The following NAV3 variants were observed in gnomAD, a reference collection of about 807,000 sequenced individuals.
NAV3 encodes the protein neuron navigator 3, also known as pore membrane and/or filament interacting like protein 1.
In NAV3, 87 loss-of-function variants were observed where a neutral mutation model predicts 244.7. The ratio of observed to expected loss-of-function variants is 0.36; its 90% CI spans 0.30 to 0.42. The LOEUF is 0.42. NAV3 is among the 20% of genes least tolerant of loss of function. NAV3 has a pLI of 1.00. For missense variants in NAV3, 2,663 were observed against 2,893.3 expected, an observed-to-expected ratio of 0.92 and a Z score of 1.83; for synonymous variants, 1,126 against 1,042.2, an observed-to-expected ratio of 1.08 and a Z score of -1.55.
chr12:78,109,922 A>G (rs1015496036), intron 12 of NAV3, among the ~76,000 whole-genome samples: 1 of 152,028 alleles, frequency 6.6e-6, no homozygotes, highest in African/African-American at 2.4e-5. Context: ...TCCTATCCAC[A>G]TAGTACTAGA....
chr12:78,058,972 A>G lies in NAV3; in HGVS notation c.2517-24A>G, dbSNP rs763291397. 4 of 1,569,290 alleles carry G rather than the reference A, an allele frequency of 2.5e-6. No homozygotes were observed. The Admixed American group carries it at 7.7e-5, about 30-fold the overall frequency. ...AGTTGAGTTGATTTAGTTTTCTGTG[A>G]ATTAATTAGACATTTCTTTTCAGGT... On this transcript the variant is annotated intron_variant, in intron 11 of 39. Transcript: ENST00000397909.
chr12:77,578,194 C>T (rs537681055), intron 2 of NAV3, among the ~76,000 whole-genome samples: 12 of 152,144 alleles, frequency 7.9e-5, no homozygotes, highest in African/African-American at 2.7e-4. Context: ...TTCTGAGGAC[C>T]AACAGCATCA....
At position 77,605,792 on chromosome 12, in the gene NAV3, T is replaced by C. The variant is rs540610142; in HGVS notation, c.72+33526T>C. On this transcript the variant is annotated intron_variant, in intron 2 of 8. Coordinates refer to the NAV3 transcript ENST00000550042. ...AGGCAGAGGTTGCAGTGAGCTGAGA[T>C]TGGGGCATTGCACTCCAGCCTCGGC... Among the ~76,000 whole-genome samples the C allele has an allele frequency of 1.2e-4, 18 of 151,886 alleles. 1 individual carries two copies. In the South Asian group the frequency reaches 3.7e-3, roughly 32 times the overall value.
At chr12:77,799,255 C>T (rs1028788087) in intron 2 of NAV3, among the ~76,000 whole-genome samples, 2 of 152,188 alleles carry the variant, frequency 1.3e-5, no homozygotes, top group East Asian at 3.8e-4. Context: ...GGAGAAAATA[C>T]TTATTGGGGT....
At chr12:77,803,413 T>A (rs1321102188) in intron 2 of NAV3, among the ~76,000 whole-genome samples, 1 of 152,180 alleles carries the variant, frequency 6.6e-6, no homozygotes, top group Admixed American at 6.5e-5. Context: ...TTGCTGAGAA[T>A]AATGGTTTCC....
intron 2 of NAV3, among the ~76,000 whole-genome samples, chr12:77,689,400 A>T (rs1405782479): frequency 6.6e-6 from 1 of 151,946 alleles, no homozygotes. Flanking sequence ...AACTAAAAAT[A>T]TCAGCCTCTT....
At chr12:77,908,533 C>T (rs1886241397) in intron 1 of NAV3, among the ~76,000 whole-genome samples, 2 of 151,908 alleles carry the variant, frequency 1.3e-5, no homozygotes. Context: ...GAATATATCC[C>T]TGTTATTCTT....
chr12:77,816,898 A>G (rs907157278), intron 2 of NAV3, among the ~76,000 whole-genome samples: 1 of 152,176 alleles, frequency 6.6e-6, no homozygotes, highest in African/African-American at 2.4e-5. Context: ...GGAACATTTA[A>G]AGCTTGCCGT....
chr12:78,097,145 C>T (rs2138139292), intron 12 of NAV3, among the ~76,000 whole-genome samples: 1 of 152,250 alleles, frequency 6.6e-6, no homozygotes, highest in Admixed American at 6.5e-5. Flanking sequence ...GAGGTTAGGT[C>T]ATCAGCAATG....
At chr12:77,661,379 A>G (rs917879050) in intron 2 of NAV3, among the ~76,000 whole-genome samples, 7 of 152,132 alleles carry the variant, frequency 4.6e-5, no homozygotes, top group Non-Finnish European at 5.9e-5. Flanking sequence ...ACTGTCTTCA[A>G]TAAGATATAT....
chr12:78,145,580 G>A (rs1481006546), intron 20 of NAV3, among the ~76,000 whole-genome samples: 2 of 152,132 alleles, frequency 1.3e-5, no homozygotes, highest in Admixed American at 6.6e-5. Flanking sequence ...ATGCAATGGT[G>A]CACATAACTC....
intron 2 of NAV3, among the ~76,000 whole-genome samples, chr12:77,816,192 CAGA>C (rs1872521212): frequency 6.6e-6 from 1 of 152,154 alleles, no homozygotes; most frequent in Non-Finnish European, 1.5e-5. Context: ...ATACTAGACA[CAGA>C]AGGTCTGGAA....
intron 2 of NAV3, among the ~76,000 whole-genome samples, chr12:77,741,148 C>CAAAAAAAAAAAAAAAAAAAAAAAAAGAAA: frequency 4.4e-5 from 3 of 68,668 alleles, no homozygotes; most frequent in Non-Finnish European, 8.0e-5. Context: ...AAAAAAAAGA[C>CAAAAAAAAAAAAAAAAAAAAAAAAAGAAA]AAAAAAAAAA....
intron 1 of NAV3, among the ~76,000 whole-genome samples, chr12:77,859,618 TAAAAAAAAAAATCAAAGTGA>T (rs1404532498): frequency 6.6e-5 from 9 of 136,520 alleles, no homozygotes; most frequent in Admixed American, 3.6e-4. Context: ...TAAAGTGTAA[TAAAAAAAAAAATCAAAGTGA>T]AAAAAAAAAA....
intron 1 of NAV3, among the ~76,000 whole-genome samples, chr12:77,875,181 C>T (rs950472460): frequency 6.6e-6 from 1 of 151,848 alleles, no homozygotes; most frequent in African/African-American, 2.4e-5. Flanking sequence ...TTCAAACTTC[C>T]AGCAAGTTAT....
At chr12:77,946,315 G>C (rs1276066813) in intron 3 of NAV3, among the ~76,000 whole-genome samples, 1 of 150,386 alleles carries the variant, frequency 6.6e-6, no homozygotes, top group Admixed American at 6.7e-5. Context: ...TATGTGTGTG[G>C]ATATATATAA....
intron 35 of NAV3, 110 bp from the exon 36 acceptor site, chr12:78,198,495 T>C (rs572234162): frequency 1.4e-4 from 78 of 570,230 alleles, no homozygotes; most frequent in African/African-American, 1.3e-3. Context: ...AAAAGACAAA[T>C]ATTGAAATGG....
rs116041410 is a variant in NAV3 at position 78,003,046 on chromosome 12, A to G, written c.881-3373A>G. Among the ~76,000 whole-genome samples the G allele has an allele frequency of 3.4e-3, 510 of 151,546 alleles. 1 individual carries two copies. The highest frequency in any genetic ancestry group is 0.012 in the African/African-American group (498 of 41,416). On this transcript the variant is annotated intron_variant, in intron 7 of 39. Transcript: ENST00000397909. ...CCACAGAGTGGCACTCTAATATTGC[A>G]AAGGTACAATATAAGCATGTGCAGA... is the stretch of plus-strand genomic sequence containing the variant.
At chr12:77,767,311 T>A (rs780836446) in intron 2 of NAV3, among the ~76,000 whole-genome samples, 15 of 152,210 alleles carry the variant, frequency 9.9e-5, no homozygotes, top group Non-Finnish European at 2.1e-4. Flanking sequence ...TTCCTAATGA[T>A]GTCATAGGAT....
Sources: gnomAD v4.1 joint callset for allele counts (sites outside exome capture counted in the v4.1 genomes callset) on GRCh38, gnomAD v4.1.1 for gene constraint, MANE v1.5 for transcripts, NCBI Gene and HGNC (gene_info 2026-07-23, HGNC 2026-07-21) for gene names.